Variants in ATP8B1 observed in about 807,000 individuals in gnomAD.
ATP8B1 encodes the protein phospholipid-transporting ATPase IC.
Under a neutral mutation model 149.9 loss-of-function variants are expected in ATP8B1, and 80 were observed. The ratio of observed to expected loss-of-function variants is 0.53; its 90% confidence interval spans 0.45 to 0.64. The LOEUF is 0.64. Among genes scored for constraint, ATP8B1 ranks in the 30% least tolerant of loss-of-function variants. The probability of loss-of-function intolerance (pLI) is 0.00; values close to 1 mark genes in which losing one functional copy is unlikely to be tolerated. For synonymous variants in ATP8B1, 536 were observed against 562.8 expected (o/e 0.95, Z 0.67); for missense variants, 1,247 against 1,552.6 (o/e 0.80, Z 3.31).
intron 1 of ATP8B1, among the ~76,000 whole-genome samples, chr18:57,739,162 AT>A (rs547097898): frequency 1.3e-5 from 2 of 151,750 alleles, no homozygotes; most frequent in Non-Finnish European, 2.9e-5. Flanking sequence ...CACTCAGCTA[AT>A]TTTTTTGTAT....
chr18:57,713,157 CTCTTTCTTTCTTTCTTTCTTTCTT>C (rs760611716), intron 2 of ATP8B1, among the ~76,000 whole-genome samples: 7 of 92,100 alleles, frequency 7.6e-5, no homozygotes, highest in Admixed American at 2.5e-4. Flanking sequence ...CTTGATCTTT[CTCTTTCTTTCTTTCTTTCTTTCTT>C]TCTTTCTTTC....
chr18:57,753,158 G>A (rs1467276732), intron 1 of ATP8B1, among the ~76,000 whole-genome samples: 2 of 152,252 alleles, frequency 1.3e-5, no homozygotes, highest in Non-Finnish European at 2.9e-5. Context: ...CAAGGGAAGA[G>A]AGAACCAGTA....
At chr18:57,801,240 AGAATCACTAAAAG>A (rs1041899959) in intron 1 of ATP8B1, among the ~76,000 whole-genome samples, 25 of 152,230 alleles carry the variant, frequency 1.6e-4, no homozygotes. Context: ...ACCCACGCAA[AGAATCACTAAAAG>A]TTACTAAAAT....
At chr18:57,716,793 A>G (rs986664712) in intron 2 of ATP8B1, among the ~76,000 whole-genome samples, 2 of 152,228 alleles carry the variant, frequency 1.3e-5, no homozygotes, top group Non-Finnish European at 2.9e-5. Context: ...AAAATCAACA[A>G]AGAAACATGG....
intron 1 of ATP8B1, among the ~76,000 whole-genome samples, chr18:57,734,973 C>T (rs2079832112): frequency 6.6e-6 from 1 of 152,176 alleles, no homozygotes; most frequent in African/African-American, 2.4e-5. Context: ...TAGGCAAAAA[C>T]AGGAGGTAAA....
At chr18:57,672,904 ATATATATATATATATATATATATATAT>A (rs1911310065) in intron 16 of ATP8B1, among the ~76,000 whole-genome samples, 3 of 68,510 alleles carry the variant, frequency 4.4e-5, no homozygotes, top group African/African-American at 5.8e-5. Flanking sequence ...ATATATATAT[ATATATATATATATATATATATATATAT>A]AACATGTATA....
intron 15 of ATP8B1, among the ~76,000 whole-genome samples, chr18:57,682,308 T>C (rs1324401391): frequency 6.6e-6 from 1 of 152,296 alleles, no homozygotes; most frequent in East Asian, 1.9e-4. Flanking sequence ...CCAGCCCTGC[T>C]GGAAGGAACT....
At position 57,674,945 on chromosome 18, in the gene ATP8B1, G is replaced by A. The variant is rs1481463180; in HGVS notation, c.1708C>T (p.Leu570Phe). 17 of 1,614,128 alleles carry A rather than the reference G, an allele frequency of 1.1e-5. No individual in the cohort carries two copies. Among genetic ancestry groups the A allele is most frequent in the Non-Finnish European group, 1.4e-5 (16 of 1,180,050 alleles). Residue 570 changes from leucine (L) to phenylalanine (F), a missense_variant, in exon 16 of 28, where the codon CTC becomes TTC. Leu to Phe is a conservative substitution (Grantham distance 22). This residue lies in a region of ATP8B1 where 853 missense variants were observed against 1,035.7 expected (regional missense o/e 0.82). Transcript: ENST00000648908. ...NAARNFGFAF[L>F]ARTQNTITIS... is the part of the protein sequence containing the mutation. ...GTGATGGTGTTCTGGGTCCTGGCGA[G>A]GAAGGCAAAGCCAAAGTTCCTGGCA...
chr18:57,713,255 CTTTCTT>C (rs1343309819), intron 2 of ATP8B1, among the ~76,000 whole-genome samples: 3 of 126,570 alleles, frequency 2.4e-5, no homozygotes, highest in Admixed American at 8.9e-5. Context: ...TTCTTTCTTT[CTTTCTT>C]TCTCTTTCTT....
Position 57,685,134 on chromosome 18 carries a change from A to G in ATP8B1, c.1430-19T>C. 2 of 1,613,920 alleles carry G rather than the reference A, an allele frequency of 1.2e-6. No individual in the cohort carries two copies. Among genetic ancestry groups the G allele is most frequent in the African/African-American group, 1.3e-5 (1 of 75,040 alleles). ...TGGTCCCCTGAGAAACAAACAGGAC[A>G]AAACAAATTGATTCTACACCTATGT... On this transcript the variant is annotated intron_variant, in intron 13 of 27. Coordinates refer to ENST00000648908, the MANE Select transcript of ATP8B1 (RefSeq NM_001374385.1).
chr18:57,668,570 A>AAAAT, intron 18 of ATP8B1, 30 bp from the exon 19 acceptor site: 1 of 1,434,786 alleles, frequency 7.0e-7, no homozygotes. Context: ...AAAAAAAAAA[A>AAAAT]GGAATTAGCA....
chr18:57,667,310 A>G (rs1910928516), intron 19 of ATP8B1, 143 bp from the exon 20 acceptor site: 23 of 686,706 alleles, frequency 3.3e-5, no homozygotes, highest in South Asian at 3.1e-4. Flanking sequence ...CTCAACCTCC[A>G]GGATTCAAGT....
At chr18:57,785,041 C>G (rs976506421) in intron 1 of ATP8B1, among the ~76,000 whole-genome samples, 2 of 152,184 alleles carry the variant, frequency 1.3e-5, no homozygotes, top group African/African-American at 2.4e-5. Flanking sequence ...CTTCACAAAT[C>G]ATTTCAATTT....
Position 57,652,005 on chromosome 18 carries a change from A to G in ATP8B1, c.3400+29T>C, listed in dbSNP as rs775062406. 6 of 1,601,540 alleles carry G rather than the reference A, an allele frequency of 3.7e-6. No homozygotes were observed. The East Asian group carries it at 8.9e-5, about 24-fold the overall frequency. On this transcript the variant is annotated intron_variant, in intron 26 of 27. Coordinates refer to ENST00000648908, the MANE Select transcript of ATP8B1 (RefSeq NM_001374385.1). Reference sequence around the variant, plus strand: ...CTAAACTAATGACATTTGTCTGTACATTTATTTTTGGAATTTGGAAATACC... The same window carrying G: ...CTAAACTAATGACATTTGTCTGTACGTTTATTTTTGGAATTTGGAAATACC...
At chr18:57,717,521 C>T (rs574414648) in intron 2 of ATP8B1, among the ~76,000 whole-genome samples, 4 of 107,038 alleles carry the variant, frequency 3.7e-5, no homozygotes, top group African/African-American at 1.5e-4. Context: ...GCACTCCAAC[C>T]TGGGTAACAG....
chr18:57,649,438 G>A (rs1411752727), intron 27 of ATP8B1, among the ~76,000 whole-genome samples: 1 of 152,064 alleles, frequency 6.6e-6, no homozygotes, highest in African/African-American at 2.4e-5. Context: ...CAGACCAGAT[G>A]GGTACAGTCA....
chr18:57,789,014 T>A (rs1047562739), intron 1 of ATP8B1, among the ~76,000 whole-genome samples: 2 of 152,190 alleles, frequency 1.3e-5, no homozygotes, highest in Admixed American at 6.5e-5. Context: ...GGAGCTTGAA[T>A]ATACAGGAAG....
chr18:57,744,360 G>A (rs1325137888), intron 1 of ATP8B1, among the ~76,000 whole-genome samples: 1 of 150,498 alleles, frequency 6.6e-6, no homozygotes, highest in East Asian at 1.9e-4. Flanking sequence ...GGTGGTGGCA[G>A]CCAGAAAAAT....
At chr18:57,798,449 A>G (rs2080540097) in intron 1 of ATP8B1, among the ~76,000 whole-genome samples, 1 of 151,930 alleles carries the variant, frequency 6.6e-6, no homozygotes, top group Non-Finnish European at 1.5e-5. Context: ...AAGAAAAAAA[A>G]TAGCTGGGTA....
Sources: allele counts gnomAD v4.1 joint callset (sites outside exome capture counted in the v4.1 genomes callset), GRCh38; gene constraint gnomAD v4.1.1; regional missense constraint gnomAD v4.1.1; transcripts MANE v1.5; gene names NCBI Gene and HGNC (gene_info 2026-07-23, HGNC 2026-07-21).